Variants in SCAF8 observed in about 807,000 individuals in gnomAD.
The protein encoded by SCAF8 is SR-related CTD associated factor 8.
SCAF8 carries 23 observed loss-of-function variants against 140.5 expected under a neutral mutation model. That is an observed-to-expected ratio of 0.16 (90% confidence interval 0.12 to 0.23). SCAF8 has a LOEUF of 0.23. Among genes scored for constraint, SCAF8 ranks in the 10% least tolerant of loss-of-function variants. SCAF8 has a pLI of 1.00. For synonymous variants in SCAF8, 575 were observed against 528.9 expected, an observed-to-expected ratio of 1.09 and a Z score of -1.20; for missense variants, 1,397 against 1,555.7, an observed-to-expected ratio of 0.90 and a Z score of 1.72.
At chr6:154,765,264 T>C (rs1776530111) in intron 1 of SCAF8, among the ~76,000 whole-genome samples, 1 of 152,166 alleles carries the variant, frequency 6.6e-6, no homozygotes, top group Non-Finnish European at 1.5e-5. Flanking sequence ...TGGAGGTCTT[T>C]GGAGGATTAA....
chr6:154,785,393 A>C (rs1777223176), intron 3 of SCAF8, among the ~76,000 whole-genome samples: 1 of 152,230 alleles, frequency 6.6e-6, no homozygotes, highest in Non-Finnish European at 1.5e-5. Context: ...GCATTTCTTC[A>C]CCATGGCTAG....
chr6:154,788,367 A>C (rs574230919), intron 4 of SCAF8, among the ~76,000 whole-genome samples: 1 of 152,322 alleles, frequency 6.6e-6, no homozygotes, highest in South Asian at 2.1e-4. Context: ...TCACACAATG[A>C]TGAAATCTCC....
intron 14 of SCAF8, among the ~76,000 whole-genome samples, chr6:154,819,303 CAG>C (rs922399559): frequency 4.6e-5 from 7 of 152,158 alleles, no homozygotes; most frequent in African/African-American, 1.4e-4. Flanking sequence ...TCTAAAATAA[CAG>C]ACCAGGTGTG....
rs904999093 is a variant in SCAF8 at position 154,743,010 on chromosome 6, C to G, written c.30+9080C>G. 9.9e-5 allele frequency among the ~76,000 whole-genome samples: 15 copies of G among 152,202 alleles called. No individual in the cohort carries two copies. In the East Asian group the frequency reaches 2.9e-3, roughly 29 times the overall value. ...AAACCAGACAAGCAAAAACCATGCC[C>G]TCTTGGAGCCTATGTTGTTGTGATT... On this transcript the variant is annotated intron_variant, in intron 1 of 19. Coordinates refer to ENST00000367178, the MANE Select transcript of SCAF8 (RefSeq NM_014892.5).
intron 17 of SCAF8, among the ~76,000 whole-genome samples, chr6:154,826,168 T>G (rs1222655987): frequency 1.3e-5 from 2 of 152,154 alleles, no homozygotes; most frequent in Non-Finnish European, 2.9e-5. Context: ...ATACAGATTT[T>G]AATAACTTTA....
intron 18 of SCAF8, 58 bp downstream of exon 18, chr6:154,827,298 C>A: frequency 8.7e-7 from 1 of 1,152,464 alleles, no homozygotes; most frequent in Non-Finnish European, 1.3e-6. Context: ...TTTAGTGTGT[C>A]AGTTCTCATT....
At chr6:154,824,204 T>C (rs745476631) in intron 16 of SCAF8, 30 bp from the exon 17 acceptor site, 1 of 1,609,724 alleles carries the variant, frequency 6.2e-7, no homozygotes, top group South Asian at 1.1e-5. Context: ...AATAAACTGA[T>C]GAGTGAACTT....
At chr6:154,767,659 C>T (rs1162163729) in intron 1 of SCAF8, among the ~76,000 whole-genome samples, 1 of 151,052 alleles carries the variant, frequency 6.6e-6, no homozygotes, top group East Asian at 1.9e-4. Flanking sequence ...CACACCTCAG[C>T]CTGTAGTTGG....
intron 6 of SCAF8, among the ~76,000 whole-genome samples, chr6:154,800,533 A>C (rs1327128556): frequency 6.6e-6 from 1 of 151,596 alleles, no homozygotes; most frequent in Non-Finnish European, 1.5e-5. Context: ...GGGAATCACC[A>C]GGGACTTTTT....
intron 17 of SCAF8, among the ~76,000 whole-genome samples, chr6:154,825,942 AATAT>A (rs1043738465): frequency 6.6e-6 from 1 of 152,102 alleles, no homozygotes; most frequent in Non-Finnish European, 1.5e-5. Flanking sequence ...AGGTCAAAAC[AATAT>A]ATATATAGTT....
At chr6:154,790,573 T>C (rs1038222728) in intron 4 of SCAF8, among the ~76,000 whole-genome samples, 2 of 133,492 alleles carry the variant, frequency 1.5e-5, no homozygotes, top group Non-Finnish European at 3.1e-5. Flanking sequence ...TGCAGTGGTG[T>C]AATCTCGGCT....
At chr6:154,822,499 A>G (rs906140245) in intron 16 of SCAF8, 90 bp downstream of exon 16, 2 of 1,284,332 alleles carry the variant, frequency 1.6e-6, no homozygotes, top group African/African-American at 3.0e-5. Flanking sequence ...CGGAATGAAA[A>G]TCTCCATATT....
In SCAF8 at chr6:154,810,206, G is replaced by A. The variant is rs757822916; in HGVS notation, c.1418G>A (p.Ser473Asn). Reference protein sequence around the residue: ...GLPPIRSKTLSVCSTTLWVGQ... With the variant: ...GLPPIRSKTLNVCSTTLWVGQ... Reference sequence around the variant, plus strand: ...CCTCCAATTAGATCTAAAACACTAAGTGGTAAGTAACATATATCTGCAACG... The same window carrying A: ...CCTCCAATTAGATCTAAAACACTAAATGGTAAGTAACATATATCTGCAACG... Residue 473 changes from serine (S) to asparagine (N), a missense_variant and splice_region_variant, in exon 12 of 20, where the codon AGT becomes AAT. Physicochemically the swap from Ser to Asn is conservative, Grantham distance 46. Coordinates refer to ENST00000367178, the MANE Select transcript of SCAF8 (RefSeq NM_014892.5). 20 of 1,591,606 alleles carry A rather than the reference G, an allele frequency of 1.3e-5. 1 individual carries two copies. The South Asian group carries it at 2.0e-4, about 16-fold the overall frequency.
chr6:154,805,113 G>A (rs1365546028), intron 8 of SCAF8, among the ~76,000 whole-genome samples: 1 of 152,144 alleles, frequency 6.6e-6, no homozygotes, highest in Non-Finnish European at 1.5e-5. Flanking sequence ...TTAACAGCCT[G>A]AGATGGTAAT....
At position 154,806,323 on chromosome 6, in the gene SCAF8, G is replaced by T. The variant is rs76732428; in HGVS notation, c.981+837G>T. On this transcript the variant is annotated intron_variant, in intron 9 of 19. Coordinates refer to ENST00000367178, the MANE Select transcript of SCAF8 (RefSeq NM_014892.5). ...CTGTATGTGAGAAATGGTTACGCAT[G>T]TAAACTGTTCAGAATAAAAGTATTA... Among the ~76,000 whole-genome samples, 322 of 152,266 alleles carry T rather than the reference G, an allele frequency of 2.1e-3. 1 individual carries two copies. Among genetic ancestry groups the T allele is most frequent in the African/African-American group, 7.4e-3 (306 of 41,562 alleles).
At chr6:154,749,579 TTTGTGTAC>T (rs1562425399) in intron 1 of SCAF8, among the ~76,000 whole-genome samples, 1 of 152,182 alleles carries the variant, frequency 6.6e-6, no homozygotes, top group Non-Finnish European at 1.5e-5. Context: ...CTATGTATAG[TTTGTGTAC>T]ACTGTGATGT....
chr6:154,807,338 A>G (rs1193333743), intron 9 of SCAF8, among the ~76,000 whole-genome samples: 1 of 152,250 alleles, frequency 6.6e-6, no homozygotes, highest in Non-Finnish European at 1.5e-5. Context: ...AAGTTCTGAA[A>G]AACCTCATTG....
rs200798318 is a variant in SCAF8, at chr6:154,832,184, T to C, written c.2605T>C (p.Leu869=). The C allele has an allele frequency of 1.2e-5, 20 of 1,614,166 alleles. No individual in the cohort carries two copies. In the East Asian group the frequency reaches 2.5e-4, roughly 20 times the overall value. ...PPSVSNSSGL[L]GVLPPNIPNN... is the part of the protein sequence containing the mutation. ...CAGTGTGTCAAATAGTTCTGGACTT[T>C]TGGGAGTGCTACCCCCAAATATACC... is the stretch of plus-strand genomic sequence containing the variant. The change falls in exon 20 of 20, where the codon TTG becomes CTG. Residue 869 remains leucine (L), a synonymous_variant. Transcript: ENST00000367178.
chr6:154,778,288 T>C (rs562818458), intron 3 of SCAF8, among the ~76,000 whole-genome samples: 1 of 152,368 alleles, frequency 6.6e-6, no homozygotes, highest in East Asian at 1.9e-4. Context: ...ATCGGTGTCA[T>C]GTGGTATTAA....
Sources: gnomAD v4.1 joint callset for allele counts (sites outside exome capture counted in the v4.1 genomes callset) on GRCh38, gnomAD v4.1.1 for gene constraint, MANE v1.5 for transcripts, NCBI Gene and HGNC (gene_info 2026-07-23, HGNC 2026-07-21) for gene names.